Variants in PDE8A observed in about 807,000 individuals in gnomAD.
PDE8A encodes high affinity cAMP-specific and IBMX-insensitive 3',5'-cyclic phosphodiesterase 8A.
A neutral mutation model predicts 105.0 loss-of-function variants in PDE8A; 59 were observed. The observed-to-expected ratio is 0.56, with a 90% CI of 0.46 to 0.70. The LOEUF (loss-of-function observed/expected upper bound fraction) is 0.70, where lower values mean the gene tolerates loss of function less well. Ranked by LOEUF, PDE8A falls within the 30% of genes least tolerant of loss-of-function variation. The probability of loss-of-function intolerance (pLI) is 0.00; values close to 1 mark genes in which losing one functional copy is unlikely to be tolerated. For synonymous variants in PDE8A, 355 were observed against 371.9 expected, an observed-to-expected ratio of 0.95 and a Z score of 0.52; for missense variants, 1,014 against 1,045.9, an observed-to-expected ratio of 0.97 and a Z score of 0.42.
At chr15:85,057,261 A>T (rs1010691728) in intron 1 of PDE8A, among the ~76,000 whole-genome samples, 23 of 152,298 alleles carry the variant, frequency 1.5e-4, no homozygotes, top group Admixed American at 1.4e-3. Flanking sequence ...GGGGTCAGGG[A>T]TCCGCTTGAG....
chr15:85,060,815 A>G (rs185396174), intron 1 of PDE8A, among the ~76,000 whole-genome samples: 1 of 152,384 alleles, frequency 6.6e-6, no homozygotes, highest in East Asian at 1.9e-4. Context: ...AAACAAACAA[A>G]AGGAGTTATA....
intron 1 of PDE8A, among the ~76,000 whole-genome samples, chr15:85,033,234 C>T (rs2080645750): frequency 6.6e-6 from 1 of 152,128 alleles, no homozygotes; most frequent in East Asian, 1.9e-4. Flanking sequence ...GATTCAAAAC[C>T]AAATGCTTCA....
intron 1 of PDE8A, among the ~76,000 whole-genome samples, chr15:85,043,832 G>A (rs541151961): frequency 6.6e-6 from 1 of 152,140 alleles, no homozygotes; most frequent in Non-Finnish European, 1.5e-5. Flanking sequence ...TGAGTAGCTG[G>A]GACTACAGGT....
chr15:85,097,634 G>A (rs538896975), intron 8 of PDE8A, among the ~76,000 whole-genome samples: 1 of 152,194 alleles, frequency 6.6e-6, no homozygotes, highest in Non-Finnish European at 1.5e-5. Context: ...TTCAGCAGGT[G>A]GGAGTTATGA....
At chr15:84,990,879 T>A (rs559941401) in intron 1 of PDE8A, among the ~76,000 whole-genome samples, 3 of 152,318 alleles carry the variant, frequency 2.0e-5, no homozygotes, top group African/African-American at 7.2e-5. Flanking sequence ...TTGCTCTACA[T>A]CCTTCCCATC....
At chr15:85,029,660 C>T (rs1185177905) in intron 1 of PDE8A, among the ~76,000 whole-genome samples, 1 of 152,108 alleles carries the variant, frequency 6.6e-6, no homozygotes, top group Non-Finnish European at 1.5e-5. Context: ...GTTTATAAAA[C>T]CCTGGAGATA....
At chr15:85,083,731 A>C (rs2081504319) in intron 6 of PDE8A, 87 bp downstream of exon 6, 1 of 811,504 alleles carries the variant, frequency 1.2e-6, no homozygotes, top group African/African-American at 1.7e-5. Context: ...TACTTTTGAA[A>C]TGGCCTCTTG....
rs769772414 is a variant in PDE8A at position 85,113,427 on chromosome 15, A to T, written c.1165A>T (p.Ile389Phe). The T allele has an allele frequency of 1.1e-5, 17 of 1,613,930 alleles. No individual in the cohort carries two copies. The highest frequency in any genetic ancestry group is 1.4e-5 in the Non-Finnish European group (16 of 1,179,946). Residue 389 changes from isoleucine to phenylalanine, a missense_variant, in exon 13 of 22, where the codon ATT becomes TTT. Transcript: ENST00000394553. ...CATGGCCCGGATACATTCCATGACA[A>T]TTGAGGCGCCCATCACCAAGGTGAA... ...SSMARIHSMTIEAPITKVINI... is the reference protein window; with the variant it reads ...SSMARIHSMTFEAPITKVINI...
At chr15:85,125,538 G>A (rs1193383502) in intron 19 of PDE8A, among the ~76,000 whole-genome samples, 3 of 152,134 alleles carry the variant, frequency 2.0e-5, no homozygotes, top group East Asian at 1.9e-4. Flanking sequence ...ATCCTGGCTC[G>A]GCTGGTTGCT....
At chr15:84,999,323 G>A (rs1273686242) in intron 1 of PDE8A, among the ~76,000 whole-genome samples, 1 of 152,076 alleles carries the variant, frequency 6.6e-6, no homozygotes. Flanking sequence ...GTTTCACCAT[G>A]TTGGCCAGGC....
chr15:85,060,203 T>C (rs546974719), intron 1 of PDE8A, among the ~76,000 whole-genome samples: 9 of 152,350 alleles, frequency 5.9e-5, no homozygotes, highest in Middle Eastern at 3.4e-3. Context: ...GTAGCTACTT[T>C]CTTTATGGTT....
At chr15:84,989,809 C>A (rs761428413) in intron 1 of PDE8A, among the ~76,000 whole-genome samples, 1 of 152,144 alleles carries the variant, frequency 6.6e-6, no homozygotes, top group Non-Finnish European at 1.5e-5. Context: ...TAACGCAGAT[C>A]TCATTTTTAA....
In PDE8A at chr15:85,135,559, G is replaced by A. The variant is rs544662833; in HGVS notation, c.2254-975G>A. Among the ~76,000 whole-genome samples the A allele has an allele frequency of 3.3e-5, 5 of 152,160 alleles. No homozygotes were observed. In the East Asian group the frequency reaches 9.7e-4, roughly 29 times the overall value. On this transcript the variant is annotated intron_variant, in intron 20 of 21. Transcript: ENST00000394553. ...CACCCTGTTCTCATCCTGCCCCACT[G>A]TTTGACTTGACTCCCAGCACAGGCG... is the stretch of plus-strand genomic sequence containing the variant.
intron 1 of PDE8A, among the ~76,000 whole-genome samples, chr15:85,017,890 A>AAAAAAAAAAAAC (rs2080354457): frequency 1.3e-5 from 2 of 151,072 alleles, no homozygotes; most frequent in South Asian, 4.2e-4. Flanking sequence ...TCCGTCTCAA[A>AAAAAAAAAAAAC]AAAAAAAAAG....
chr15:85,090,562 A>G (rs191060678), intron 7 of PDE8A, among the ~76,000 whole-genome samples: 2 of 152,288 alleles, frequency 1.3e-5, no homozygotes, highest in South Asian at 2.1e-4. Context: ...GAAAGAGACA[A>G]GAGAACTGTT....
intron 14 of PDE8A, 100 bp from the exon 15 acceptor site, chr15:85,115,339 G>C (rs2082079099): frequency 2.8e-6 from 2 of 726,620 alleles, no homozygotes; most frequent in Non-Finnish European, 4.7e-6. Context: ...TTGGTGGAGA[G>C]GGCTGCCCTG....
chr15:85,017,993 A>C (rs2080357263), intron 1 of PDE8A, among the ~76,000 whole-genome samples: 1 of 151,460 alleles, frequency 6.6e-6, no homozygotes, highest in African/African-American at 2.4e-5. Context: ...GTGGTGGTAG[A>C]TATTGTGATT....
intron 3 of PDE8A, among the ~76,000 whole-genome samples, chr15:85,073,536 C>G (rs1452618064): frequency 6.6e-6 from 1 of 152,218 alleles, no homozygotes; most frequent in Non-Finnish European, 1.5e-5. Context: ...GTGAGATCAC[C>G]TACCTACTTG....
intron 1 of PDE8A, among the ~76,000 whole-genome samples, chr15:84,987,223 T>C (rs1460908103): frequency 6.6e-6 from 1 of 152,222 alleles, no homozygotes; most frequent in Non-Finnish European, 1.5e-5. Flanking sequence ...TAAAATACTT[T>C]GCATTTATAG....
Sources: allele counts gnomAD v4.1 joint callset (sites outside exome capture counted in the v4.1 genomes callset), GRCh38; gene constraint gnomAD v4.1.1; transcripts MANE v1.5; gene names NCBI Gene and HGNC (gene_info 2026-07-23, HGNC 2026-07-21).